PTPN13: variants seen among roughly 807,000 people sequenced by gnomAD.
PTPN13 encodes protein tyrosine phosphatase non-receptor type 13.
PTPN13 carries 191 observed loss-of-function variants against 284.0 expected under a neutral mutation model. That is an observed-to-expected ratio of 0.67 (90% CI 0.60 to 0.76). The LOEUF (loss-of-function observed/expected upper bound fraction) is 0.76, where lower values mean the gene tolerates loss of function less well. Ranked by LOEUF, PTPN13 falls within the 30% of genes least tolerant of loss-of-function variation. The pLI, the probability that PTPN13 is intolerant of heterozygous loss-of-function variation, is 0.00. For synonymous variants in PTPN13, 986 were observed against 1,022.3 expected (o/e 0.96, Z 0.68); for missense variants, 2,797 against 2,939.9 (o/e 0.95, Z 1.12).
At position 86,728,148 on chromosome 4, in the gene PTPN13, G is replaced by A. The variant is rs1446616093; in HGVS notation, c.1609-4252G>A. Among the ~76,000 whole-genome samples the A allele has an allele frequency of 2.0e-5, 3 of 149,620 alleles. 1 individual carries two copies. The highest frequency in any genetic ancestry group is 3.0e-5 in the Non-Finnish European group (2 of 66,708). Reference sequence around the variant, plus strand: ...TTTTGAGTAAGTTTCTTAATCCCGAGCTCTAATTTGATTGCACTGTAGTCT... The same window carrying A: ...TTTTGAGTAAGTTTCTTAATCCCGAACTCTAATTTGATTGCACTGTAGTCT... On this transcript the variant is annotated intron_variant, in intron 10 of 47. Coordinates refer to ENST00000411767, the MANE Select transcript of PTPN13 (RefSeq NM_080683.3).
intron 23 of PTPN13, among the ~76,000 whole-genome samples, chr4:86,762,272 C>T (rs185373048): frequency 2.6e-5 from 4 of 152,328 alleles, no homozygotes; most frequent in Non-Finnish European, 5.9e-5. Context: ...TGAGCCACTG[C>T]GCTTGGCCTA....
At chr4:86,780,236 A>C (rs1159868909) in intron 35 of PTPN13, among the ~76,000 whole-genome samples, 166 bp from the exon 36 acceptor site, 2 of 152,048 alleles carry the variant, frequency 1.3e-5, no homozygotes, top group Non-Finnish European at 2.9e-5. Flanking sequence ...CCATCTCTAC[A>C]AAAAATACAA....
Position 86,803,722 on chromosome 4 carries a change from G to A in PTPN13, c.6519G>A (p.Leu2173=), listed in dbSNP as rs1744326286. The A allele has an allele frequency of 6.2e-7, 1 of 1,613,384 alleles. No homozygotes were observed. Among genetic ancestry groups the A allele is most frequent in the African/African-American group, 1.3e-5 (1 of 74,880 alleles). Residue 2173 remains leucine, a synonymous_variant, in exon 43 of 48, where the codon CTG becomes CTA. Transcript: ENST00000411767. ...HEDSDKDHSF[L]TNDELAVLPV... is the part of the protein sequence containing the mutation. ...TCTTCCTATTAGATCATTCCTTTCT[G>A]ACAAACGATGAGCTCGCTGTACTCC...
chr4:86,794,936 A>G (rs1306231266), intron 40 of PTPN13, among the ~76,000 whole-genome samples: 1 of 152,254 alleles, frequency 6.6e-6, no homozygotes, highest in Non-Finnish European at 1.5e-5. Context: ...ACCTAACACC[A>G]TAAAAACCGT....
chr4:86,750,566 C>A lies in PTPN13; in HGVS notation c.2747C>A (p.Thr916Asn). ...AISTGSLASS[T>N]LNKLAVRPLS... is the part of the protein sequence containing the mutation. ...AGCACTGGCAGTCTGGCCAGCAGCA[C>A]CCTCAACAAACTTGCTGTTCGACCT... Residue 916 changes from threonine (T) to asparagine (N), a missense_variant, in exon 18 of 48, where the codon ACC becomes AAC. Thr to Asn is a moderately conservative substitution (Grantham distance 65, BLOSUM62 0). Transcript: ENST00000411767. 2.5e-6 allele frequency: 4 copies of A among 1,613,928 alleles called. No individual in the cohort carries two copies. Among genetic ancestry groups the A allele is most frequent in the Non-Finnish European group, 3.4e-6 (4 of 1,179,858 alleles).
intron 35 of PTPN13, among the ~76,000 whole-genome samples, chr4:86,779,261 A>G (rs1330910177): frequency 6.6e-6 from 1 of 152,158 alleles, no homozygotes; most frequent in African/African-American, 2.4e-5. Flanking sequence ...TAAAAATACA[A>G]AAAATCTTAG....
At chr4:86,689,296 C>A in intron 5 of PTPN13, 106 bp downstream of exon 5, 2 of 870,426 alleles carry the variant, frequency 2.3e-6, no homozygotes, top group Non-Finnish European at 3.5e-6. Flanking sequence ...TCAATGAAGA[C>A]TAGAAATGGA....
At chr4:86,603,154 G>T (rs1353758027) in intron 1 of PTPN13, among the ~76,000 whole-genome samples, 1 of 152,238 alleles carries the variant, frequency 6.6e-6, no homozygotes, top group Middle Eastern at 3.4e-3. Flanking sequence ...TTTTAGAAAG[G>T]TGAGTGATAA....
chr4:86,645,236 GA>G (rs1181422219), intron 2 of PTPN13, among the ~76,000 whole-genome samples: 1 of 152,052 alleles, frequency 6.6e-6, no homozygotes, highest in African/African-American at 2.4e-5. Context: ...TCTAGGAATA[GA>G]AAGGAACTAC....
At chr4:86,600,457 T>A (rs963762756) in intron 1 of PTPN13, among the ~76,000 whole-genome samples, 22 of 132,006 alleles carry the variant, frequency 1.7e-4, no homozygotes, top group African/African-American at 6.2e-4. Flanking sequence ...TTTTTTTTTT[T>A]TACCTATTCT....
intron 42 of PTPN13, among the ~76,000 whole-genome samples, chr4:86,801,162 T>C (rs1743988756): frequency 6.6e-6 from 1 of 152,210 alleles, no homozygotes; most frequent in Non-Finnish European, 1.5e-5. Flanking sequence ...ATTAGACCCA[T>C]AGCTCTTCTA....
intron 1 of PTPN13, among the ~76,000 whole-genome samples, chr4:86,606,077 AT>A (rs796394263): frequency 1.3e-5 from 2 of 151,968 alleles, no homozygotes; most frequent in Admixed American, 6.6e-5. Flanking sequence ...ATGGAAAGTG[AT>A]TTTTTTAGTA....
chr4:86,645,571 T>TA (rs958481443), intron 2 of PTPN13, among the ~76,000 whole-genome samples: 1 of 151,788 alleles, frequency 6.6e-6, no homozygotes, highest in Non-Finnish European at 1.5e-5. Context: ...TTAGAAATGA[T>TA]AAAAAAAGTA....
intron 7 of PTPN13, 33 bp downstream of exon 7, chr4:86,701,834 T>G: frequency 1.3e-6 from 2 of 1,528,292 alleles, no homozygotes; most frequent in Non-Finnish European, 1.8e-6. Context: ...GAGAAAGAAT[T>G]GAAGTATTTT....
In PTPN13 at chr4:86,763,155, T is replaced by G. The variant is rs1197653795; in HGVS notation, c.3982T>G (p.Tyr1328Asp). The G allele has an allele frequency of 6.2e-7, 1 of 1,613,732 alleles. No homozygotes were observed. Among genetic ancestry groups the G allele is most frequent in the Non-Finnish European group, 8.5e-7 (1 of 1,179,812 alleles). ...AGATTCAGACATGGATGAAGCCACT[T>G]ACTCCAGCAGTCAGGATCATCAAAC... ...RGDSDMDEAT[Y>D]SSSQDHQTPK... Residue 1328 changes from tyrosine to aspartate, a missense_variant, in exon 24 of 48, where the codon TAC becomes GAC. By Grantham distance (160) the Tyr-to-Asp change is radical. Coordinates refer to ENST00000411767, the MANE Select transcript of PTPN13 (RefSeq NM_080683.3).
At chr4:86,666,051 A>G (rs1416405130) in intron 2 of PTPN13, among the ~76,000 whole-genome samples, 3 of 152,228 alleles carry the variant, frequency 2.0e-5, no homozygotes, top group Non-Finnish European at 1.5e-5. Context: ...TGATGTAACA[A>G]TGATTTTTAT....
chr4:86,658,452 C>T (rs1269499050), intron 2 of PTPN13, among the ~76,000 whole-genome samples: 2 of 152,156 alleles, frequency 1.3e-5, no homozygotes, highest in East Asian at 3.8e-4. Context: ...TGCTTTCTTG[C>T]ATGGATGGTT....
intron 2 of PTPN13, among the ~76,000 whole-genome samples, chr4:86,646,537 A>G (rs935441956): frequency 1.3e-5 from 2 of 152,142 alleles, no homozygotes; most frequent in African/African-American, 4.8e-5. Context: ...GCCTCAAATC[A>G]TCGGCCTGCC....
chr4:86,758,325 A>C lies in PTPN13; in HGVS notation c.3289A>C (p.Lys1097Gln). Reference protein sequence around the residue: ...PEREITLVNLKKDAKYGLGFQ... With the variant: ...PEREITLVNLQKDAKYGLGFQ... ...AAGGGAGATCACCTTAGTGAACCTG[A>C]AAAAAGATGCAAAGTATGGCTTGGG... The change falls in exon 21 of 48, where the codon AAA becomes CAA. Residue 1097 changes from lysine (K) to glutamine (Q), a missense_variant. By Grantham distance (53) the Lys-to-Gln change is moderately conservative (BLOSUM62 1). Coordinates refer to ENST00000411767, the MANE Select transcript of PTPN13 (RefSeq NM_080683.3). The C allele has an allele frequency of 2.5e-6, 4 of 1,610,406 alleles. No individual in the cohort carries two copies. Among genetic ancestry groups the C allele is most frequent in the Non-Finnish European group, 3.4e-6 (4 of 1,177,594 alleles).
Sources: gnomAD v4.1 joint callset for allele counts (sites outside exome capture counted in the v4.1 genomes callset) on GRCh38, gnomAD v4.1.1 for gene constraint, MANE v1.5 for transcripts, NCBI Gene and HGNC (gene_info 2026-07-23, HGNC 2026-07-21) for gene names.